Variants in TRIO observed in about 807,000 individuals in gnomAD.
TRIO encodes the protein triple functional domain protein.
A neutral mutation model predicts 351.9 loss-of-function variants in TRIO; 58 were observed. The observed-to-expected ratio is 0.16, with a 90% CI of 0.13 to 0.21. The LOEUF (loss-of-function observed/expected upper bound fraction) is 0.21. Among genes scored for constraint, TRIO ranks in the 10% least tolerant of loss-of-function variants. The pLI is 1.00. For synonymous variants in TRIO, 1,758 were observed against 1,595.7 expected (o/e 1.10, Z -2.42); for missense variants, 3,201 against 4,027.8 (o/e 0.79, Z 5.56).
At chr5:14,439,825 C>T (rs1227777793) in intron 34 of TRIO, among the ~76,000 whole-genome samples, 1 of 152,164 alleles carries the variant, frequency 6.6e-6, no homozygotes, top group Non-Finnish European at 1.5e-5. Flanking sequence ...ATGCCAGACT[C>T]CCCTCTGCAG....
At chr5:14,498,828 C>A in intron 53 of TRIO, 188 bp downstream of exon 53, 1 of 763,916 alleles carries the variant, frequency 1.3e-6, no homozygotes, top group Non-Finnish European at 2.0e-6. Context: ...GGAGAGTGAC[C>A]TCTCGGCACC....
intron 36 of TRIO, among the ~76,000 whole-genome samples, chr5:14,464,288 C>T (rs961855692): frequency 6.6e-6 from 1 of 152,188 alleles, no homozygotes; most frequent in African/African-American, 2.4e-5. Context: ...GGGGCTGGGC[C>T]TTGTTGACTT....
chr5:14,449,911 G>A (rs1459188570), intron 34 of TRIO, among the ~76,000 whole-genome samples: 3 of 152,134 alleles, frequency 2.0e-5, no homozygotes, highest in Non-Finnish European at 2.9e-5. Context: ...TTTCAGTGGT[G>A]AAAATAAAAA....
chr5:14,336,810 T>C (rs1446861170), intron 11 of TRIO, 83 bp downstream of exon 11: 8 of 1,457,728 alleles, frequency 5.5e-6, no homozygotes, highest in African/African-American at 1.4e-5. Context: ...TTAGTCATAA[T>C]GTGAGAAAGT....
intron 40 of TRIO, among the ~76,000 whole-genome samples, chr5:14,474,457 T>A (rs937347466): frequency 3.3e-5 from 5 of 151,906 alleles, no homozygotes; most frequent in Non-Finnish European, 7.4e-5. Flanking sequence ...ATAATGTGGG[T>A]TTTTTGTGAA....
At chr5:14,494,987 A>G (rs1756770941) in intron 49 of TRIO, among the ~76,000 whole-genome samples, 2 of 152,264 alleles carry the variant, frequency 1.3e-5, no homozygotes, top group Admixed American at 1.3e-4. Flanking sequence ...GGCAAAGTAA[A>G]TTGAAAACCT....
chr5:14,179,005 C>T (rs927776994), intron 1 of TRIO, among the ~76,000 whole-genome samples: 4 of 152,182 alleles, frequency 2.6e-5, no homozygotes, highest in African/African-American at 9.7e-5. Flanking sequence ...CCTTCTTTAC[C>T]AAGAGCTCAG....
chr5:14,322,359 G>A (rs1739964804), intron 9 of TRIO, among the ~76,000 whole-genome samples: 1 of 152,182 alleles, frequency 6.6e-6, no homozygotes, highest in African/African-American at 2.4e-5. Context: ...GGGTGTCCAA[G>A]GAAGGAAGTG....
rs573872176 is a variant in TRIO at position 14,478,058 on chromosome 5, T to C, written c.6153+1095T>C. 6.6e-5 allele frequency among the ~76,000 whole-genome samples: 10 copies of C among 152,312 alleles called. No individual in the cohort carries two copies. In the South Asian group the frequency reaches 1.9e-3, roughly 28 times the overall value. ...CCCAAGAGTAAATAATTATAGTTTG[T>C]GTCAATCATTCTTCCAAGTAAAAAT... On this transcript the variant is annotated intron_variant, in intron 41 of 56. Coordinates refer to ENST00000344204, the MANE Select transcript of TRIO (RefSeq NM_007118.4).
At chr5:14,471,973 C>T (rs1030638654) in intron 38 of TRIO, among the ~76,000 whole-genome samples, 4 of 151,838 alleles carry the variant, frequency 2.6e-5, no homozygotes, top group Non-Finnish European at 4.4e-5. Context: ...TTATTCAGCA[C>T]TGTATCCCAG....
At position 14,488,271 on chromosome 5, in the gene TRIO, C is replaced by CG. The variant is rs761689071; in HGVS notation, c.7632+17dup. ...ACCCAGAGCAACGGGGTAAGCGCGT[C>CG]GGGGGGCCCGCGCCCTCCCGCCCCC... On this transcript the variant is annotated intron_variant, in intron 48 of 56. Transcript: ENST00000344204. 4.4e-5 allele frequency: 68 copies of CG among 1,545,256 alleles called. No individual in the cohort carries two copies. Among genetic ancestry groups the CG allele is most frequent in the Admixed American group, 1.1e-4 (6 of 52,762 alleles).
intron 1 of TRIO, among the ~76,000 whole-genome samples, chr5:14,243,098 G>A (rs765821151): frequency 5.9e-5 from 9 of 152,126 alleles, no homozygotes; most frequent in Non-Finnish European, 8.8e-5. Flanking sequence ...AAGAGCTCAG[G>A]AGGAGCTCAG....
intron 11 of TRIO, among the ~76,000 whole-genome samples, chr5:14,339,000 C>T (rs752375921): frequency 5.3e-5 from 8 of 152,108 alleles, no homozygotes; most frequent in African/African-American, 9.7e-5. Flanking sequence ...CTTTTCAACT[C>T]GGCAGTGGTT....
intron 41 of TRIO, 34 bp downstream of exon 41, chr5:14,476,997 G>C (rs911315381): frequency 6.3e-7 from 1 of 1,576,492 alleles, no homozygotes; most frequent in South Asian, 1.1e-5. Flanking sequence ...ATCCTGTTCT[G>C]ATGGTGTCAT....
Position 14,275,746 on chromosome 5 carries a change from T to G in TRIO, c.233-4576T>G, listed in dbSNP as rs999322143. Among the ~76,000 whole-genome samples, 4 of 151,380 alleles carry G rather than the reference T, an allele frequency of 2.6e-5. No homozygotes were observed. The East Asian group carries it at 7.7e-4, about 29-fold the overall frequency. On this transcript the variant is annotated intron_variant, in intron 2 of 56. Coordinates refer to ENST00000344204, the MANE Select transcript of TRIO (RefSeq NM_007118.4). ...AAAGAATATTCTGGAGATCAGTATA[T>G]AGCAGCACATAATAGAGTTCTCATT...
Position 14,250,882 on chromosome 5 carries a change from C to A in TRIO, c.158-19943C>A, listed in dbSNP as rs187436161. Among the ~76,000 whole-genome samples the A allele has an allele frequency of 8.6e-4, 131 of 152,308 alleles. 1 individual carries two copies. The highest frequency in any genetic ancestry group is 3.0e-3 in the African/African-American group (125 of 41,572). On this transcript the variant is annotated intron_variant, in intron 1 of 56. Coordinates refer to ENST00000344204, the MANE Select transcript of TRIO (RefSeq NM_007118.4). ...ACACGCATTTTCTCACTGAATTCTCCAGCAGCCTTTTGAAATACATGGCTT... is the reference window on the plus strand; with the variant it reads ...ACACGCATTTTCTCACTGAATTCTCAAGCAGCCTTTTGAAATACATGGCTT...
intron 1 of TRIO, among the ~76,000 whole-genome samples, chr5:14,221,120 G>C (rs1359753885): frequency 6.6e-6 from 1 of 152,174 alleles, no homozygotes; most frequent in Non-Finnish European, 1.5e-5. Context: ...AATCTACTCT[G>C]CCTATGTTCT....
chr5:14,278,445 A>T (rs183059215), intron 2 of TRIO, among the ~76,000 whole-genome samples: 13 of 152,336 alleles, frequency 8.5e-5, no homozygotes, highest in Non-Finnish European at 1.8e-4. Context: ...TGCATTTCAA[A>T]CACATTTTAA....
intron 34 of TRIO, among the ~76,000 whole-genome samples, chr5:14,445,127 G>C (rs936068094): frequency 1.3e-5 from 2 of 152,126 alleles, no homozygotes; most frequent in Non-Finnish European, 2.9e-5. Flanking sequence ...GTTGGCCTCA[G>C]GGACACGTGA....
Sources: allele counts gnomAD v4.1 joint callset (sites outside exome capture counted in the v4.1 genomes callset), GRCh38; gene constraint gnomAD v4.1.1; transcripts MANE v1.5; gene names NCBI Gene and HGNC (gene_info 2026-07-23, HGNC 2026-07-21).